Variants in CELF4 observed in about 807,000 individuals in gnomAD.
CELF4 encodes CUGBP Elav-like family member 4.
A neutral mutation model predicts 59.9 loss-of-function variants in CELF4; 18 were observed. The ratio of observed to expected loss-of-function variants is 0.30; its 90% CI spans 0.21 to 0.45. The LOEUF is 0.45. Among genes scored for constraint, CELF4 ranks in the 20% least tolerant of loss-of-function variants. CELF4 has a pLI of 1.00. For missense variants in CELF4, 456 were observed against 689.0 expected (o/e 0.66, Z 3.79); for synonymous variants, 261 against 267.1 (o/e 0.98, Z 0.22).
intron 2 of CELF4, among the ~76,000 whole-genome samples, chr18:37,339,088 T>G (rs1411660455): frequency 6.6e-6 from 1 of 152,170 alleles, no homozygotes; most frequent in African/African-American, 2.4e-5. Flanking sequence ...CAGCCCAATT[T>G]TATAAGCACA....
chr18:37,318,681 T>C (rs2096962456), intron 3 of CELF4, among the ~76,000 whole-genome samples: 2 of 140,204 alleles, frequency 1.4e-5, no homozygotes, highest in Admixed American at 7.1e-5. Flanking sequence ...CTGAGTAATC[T>C]GGTTTGGGGC....
At chr18:37,479,640 A>C (rs2099860803) in intron 2 of CELF4, among the ~76,000 whole-genome samples, 1 of 152,154 alleles carries the variant, frequency 6.6e-6, no homozygotes, top group Non-Finnish European at 1.5e-5. Flanking sequence ...TGAGATACAG[A>C]GGAAAGGCTG....
chr18:37,550,811 T>C (rs1313465580), intron 1 of CELF4, among the ~76,000 whole-genome samples: 4 of 152,170 alleles, frequency 2.6e-5, no homozygotes, highest in Admixed American at 6.5e-5. Flanking sequence ...TGCCAGAAAA[T>C]TCCCCCCGAT....
intron 3 of CELF4, among the ~76,000 whole-genome samples, chr18:37,287,388 C>T (rs2094900564): frequency 6.6e-6 from 1 of 152,226 alleles, no homozygotes; most frequent in Non-Finnish European, 1.5e-5. Context: ...CTTCTATGCC[C>T]TGACACATGC....
chr18:37,430,008 C>T (rs1159408979), intron 2 of CELF4, among the ~76,000 whole-genome samples: 2 of 152,206 alleles, frequency 1.3e-5, no homozygotes, highest in East Asian at 1.9e-4. Context: ...CTACTGGCCA[C>T]GCCCTTTGTC....
intron 1 of CELF4, among the ~76,000 whole-genome samples, chr18:37,500,427 C>T (rs1603642778): frequency 3.9e-5 from 6 of 152,146 alleles, no homozygotes; most frequent in Admixed American, 2.6e-4. Flanking sequence ...TGCAGCCTGA[C>T]CTTAGCACCT....
chr18:37,527,197 A>T (rs1603643441), intron 1 of CELF4, among the ~76,000 whole-genome samples: 2 of 151,908 alleles, frequency 1.3e-5, no homozygotes, highest in African/African-American at 4.8e-5. Context: ...TGTAGAGCCC[A>T]CCAGAAGCCA....
At chr18:37,371,050 G>A (rs895669350) in intron 2 of CELF4, among the ~76,000 whole-genome samples, 6 of 152,206 alleles carry the variant, frequency 3.9e-5, no homozygotes, top group South Asian at 4.1e-4. Context: ...TGTGTTCTTC[G>A]CCTGTCCCTG....
chr18:37,364,691 T>G (rs1009901765), intron 2 of CELF4, among the ~76,000 whole-genome samples: 21 of 152,186 alleles, frequency 1.4e-4, no homozygotes, highest in South Asian at 2.1e-4. Flanking sequence ...CCTAAAGAAC[T>G]GAGAATTAGG....
chr18:37,315,645 C>A (rs191000457), intron 3 of CELF4, among the ~76,000 whole-genome samples: 22 of 152,308 alleles, frequency 1.4e-4, no homozygotes, highest in Admixed American at 1.3e-3. Context: ...GTGTGCCATG[C>A]ACTCATGGTC....
intron 2 of CELF4, among the ~76,000 whole-genome samples, chr18:37,415,344 A>G (rs1444652714): frequency 6.6e-6 from 1 of 152,264 alleles, no homozygotes; most frequent in East Asian, 1.9e-4. Context: ...TTAGTGGCCT[A>G]GAACACTTTC....
chr18:37,458,650 C>T (rs1467772823), intron 2 of CELF4, among the ~76,000 whole-genome samples: 1 of 152,166 alleles, frequency 6.6e-6, no homozygotes, highest in East Asian at 1.9e-4. Context: ...TCTTGAAGGG[C>T]TCGTCACTGG....
intron 1 of CELF4, among the ~76,000 whole-genome samples, chr18:37,524,356 C>A (rs1283705866): frequency 1.3e-5 from 2 of 152,180 alleles, no homozygotes; most frequent in Non-Finnish European, 2.9e-5. Flanking sequence ...CTTCGAATGC[C>A]AACCCGAGGA....
chr18:37,423,557 C>T (rs1218642903), intron 2 of CELF4, among the ~76,000 whole-genome samples: 2 of 152,090 alleles, frequency 1.3e-5, no homozygotes, highest in Admixed American at 1.3e-4. Context: ...CTCCCAGGTC[C>T]CTGGCCTGGT....
At chr18:37,275,303 C>G (rs977777305) in intron 3 of CELF4, 60 bp from the exon 4 acceptor site, 4 of 1,568,976 alleles carry the variant, frequency 2.5e-6, no homozygotes, top group Non-Finnish European at 3.5e-6. Flanking sequence ...GGGAGCAGGG[C>G]AAGGCCGGAG....
chr18:37,365,371 G>A (rs1226300163), intron 2 of CELF4, among the ~76,000 whole-genome samples: 1 of 151,968 alleles, frequency 6.6e-6, no homozygotes, highest in African/African-American at 2.4e-5. Context: ...GAAGGGAGAA[G>A]CATGTCGCCC....
intron 1 of CELF4, among the ~76,000 whole-genome samples, chr18:37,504,749 C>T (rs1431209921): frequency 6.6e-6 from 1 of 152,164 alleles, no homozygotes; most frequent in Non-Finnish European, 1.5e-5. Flanking sequence ...ACTTAGTCCA[C>T]TGGCTCTATT....
At chr18:37,393,029 A>G (rs2099183105) in intron 2 of CELF4, among the ~76,000 whole-genome samples, 1 of 152,078 alleles carries the variant, frequency 6.6e-6, no homozygotes, top group African/African-American at 2.4e-5. Context: ...GCATATGCCT[A>G]GGCATAGTGT....
At chr18:37,462,188 C>A (rs2099795412) in intron 2 of CELF4, among the ~76,000 whole-genome samples, 2 of 152,108 alleles carry the variant, frequency 1.3e-5, no homozygotes. Context: ...CCCCTGTATC[C>A]ATTTGCCCAC....
Sources: gnomAD v4.1 joint callset for allele counts (sites outside exome capture counted in the v4.1 genomes callset) on GRCh38, gnomAD v4.1.1 for gene constraint, MANE v1.5 for transcripts, NCBI Gene and HGNC (gene_info 2026-07-23, HGNC 2026-07-21) for gene names.